IGFL2: variants seen among roughly 807,000 people sequenced by gnomAD.
The protein encoded by IGFL2 is insulin growth factor-like family member 2.
IGFL2 carries 7 observed loss-of-function variants against 13.9 expected under a neutral mutation model. The ratio of observed to expected loss-of-function variants is 0.51; its 90% CI spans 0.29 to 0.95. IGFL2 has a LOEUF of 0.95. Ranked by LOEUF, IGFL2 falls within the 40% of genes least tolerant of loss-of-function variation. The pLI, the probability that IGFL2 is intolerant of heterozygous loss-of-function variation, is 0.08. For synonymous variants in IGFL2, 55 were observed against 55.8 expected (o/e 0.99, Z 0.07); for missense variants, 138 against 147.8 (o/e 0.93, Z 0.34).
At chr19:46,162,937 T>C (rs1167370085), downstream of IGFL2, among the ~76,000 whole-genome samples, 1 of 152,224 alleles carries the variant, frequency 6.6e-6, no homozygotes, top group Non-Finnish European at 1.5e-5. Context: ...AGTGTTTCTT[T>C]AACCACAGTG....
chr19:46,115,178 G>A, the IGFL2 span, among the ~76,000 whole-genome samples: 19 of 152,214 alleles, frequency 1.2e-4, no homozygotes, highest in African/African-American at 3.9e-4. Context: ...ATCCCCACTT[G>A]TGTGTTTCAA....
At chr19:46,202,705 G>A in the IGFL2 span, 2 of 152,224 alleles carry the variant, frequency 1.3e-5, no homozygotes, top group East Asian at 1.9e-4. Context: ...AGAATTTTGA[G>A]TTCATGGACA....
At chr19:46,113,183 C>G in the IGFL2 span, 2 of 170,280 alleles carry the variant, frequency 1.2e-5, no homozygotes, top group Admixed American at 6.4e-5. Flanking sequence ...TAGAATGATT[C>G]TACAGAGGCA....
In IGFL2 at chr19:46,151,179, C is replaced by T. The variant is rs117420292; in HGVS notation, c.19+2882C>T. ...GTGAGATGGTGTGGTATTTGTCTTT[C>T]TGTGGGTTGCTTATTTTACATTTCT... On this transcript the variant is annotated intron_variant, in intron 1 of 3. Transcript: ENST00000377693. Among the ~76,000 whole-genome samples, 43 of 152,252 alleles carry T rather than the reference C, an allele frequency of 2.8e-4. No homozygotes were observed. In the East Asian group the frequency reaches 8.1e-3, roughly 29 times the overall value.
downstream of IGFL2, among the ~76,000 whole-genome samples, chr19:46,166,240 G>T (rs1268995210): frequency 2.0e-5 from 3 of 152,182 alleles, no homozygotes; most frequent in Non-Finnish European, 4.4e-5. Context: ...GAGAAATAAA[G>T]GGACAGAGTA....
the IGFL2 span, among the ~76,000 whole-genome samples, chr19:46,194,216 C>T: frequency 1.3e-5 from 2 of 152,068 alleles, no homozygotes; most frequent in African/African-American, 4.8e-5. Flanking sequence ...AGGGGGACCA[C>T]CAGAATGCCC....
At chr19:46,089,246 CAAAA>C in the IGFL2 span, among the ~76,000 whole-genome samples, 34 of 152,060 alleles carry the variant, frequency 2.2e-4, no homozygotes, top group Non-Finnish European at 3.8e-4. Flanking sequence ...ACTTTGATAA[CAAAA>C]AAGCCCACCT....
chr19:46,131,240 G>GCC, the IGFL2 span, among the ~76,000 whole-genome samples: 2 of 152,072 alleles, frequency 1.3e-5, no homozygotes, highest in Non-Finnish European at 2.9e-5. Flanking sequence ...TCTGTTGATG[G>GCC]ACTCTGTTCA....
At position 46,160,480 on chromosome 19, in the gene IGFL2, G is replaced by T. The variant is rs775434788; in HGVS notation, c.73+12G>T. On this transcript the variant is annotated intron_variant, in intron 2 of 3. Transcript: ENST00000377693. ...AAGGGAAGTCATCGGTGAGTACAAG[G>T]ATGGGCAAGAGTGAAGAGGAAGGAG... The T allele has an allele frequency of 2.2e-5, 36 of 1,613,766 alleles. No individual in the cohort carries two copies. Among genetic ancestry groups the T allele is most frequent in the Non-Finnish European group, 3.1e-5 (36 of 1,179,684 alleles).
At chr19:46,101,552 G>A in the IGFL2 span, among the ~76,000 whole-genome samples, 11 of 152,242 alleles carry the variant, frequency 7.2e-5, no homozygotes, top group African/African-American at 2.7e-4. Context: ...CTGGGTCCAA[G>A]ACATCCAATC....
At chr19:46,090,843 A>T in the IGFL2 span, among the ~76,000 whole-genome samples, 1 of 152,120 alleles carries the variant, frequency 6.6e-6, no homozygotes, top group Non-Finnish European at 1.5e-5. Flanking sequence ...ATAGGTACTG[A>T]TATGGGTTGA....
chr19:46,175,597 G>A, the IGFL2 span, among the ~76,000 whole-genome samples: 1 of 152,038 alleles, frequency 6.6e-6, no homozygotes, highest in African/African-American at 2.4e-5. Flanking sequence ...GAGTGCAATG[G>A]CATGATCTCT....
chr19:46,124,444 G>T, the IGFL2 span: 2 of 1,208,556 alleles, frequency 1.7e-6, no homozygotes, highest in African/African-American at 1.5e-5. Context: ...TTGGGGCTAA[G>T]TCTGTATGGG....
chr19:46,195,948 C>G, the IGFL2 span: 1 of 152,424 alleles, frequency 6.6e-6, no homozygotes, highest in Non-Finnish European at 1.5e-5. Context: ...TGAGGACGAC[C>G]CCAGGAGTGT....
At chr19:46,154,989 C>T (rs1478783583) in intron 1 of IGFL2, among the ~76,000 whole-genome samples, 1 of 152,098 alleles carries the variant, frequency 6.6e-6, no homozygotes, top group Non-Finnish European at 1.5e-5. Context: ...CAGCTAGCTT[C>T]TCCTGCAGCG....
intron 1 of IGFL2, among the ~76,000 whole-genome samples, chr19:46,152,642 T>C (rs1973567015): frequency 1.3e-5 from 2 of 152,236 alleles, no homozygotes; most frequent in African/African-American, 4.8e-5. Flanking sequence ...TTTTACTTTA[T>C]CTTTCTCAGT....
chr19:46,137,239 C>T, the IGFL2 span: 1 of 1,453,222 alleles, frequency 6.9e-7, no homozygotes, highest in South Asian at 1.1e-5. Flanking sequence ...TAATTGTGAA[C>T]TGATTTGGAT....
chr19:46,101,681 G>A, the IGFL2 span, among the ~76,000 whole-genome samples: 1 of 152,256 alleles, frequency 6.6e-6, no homozygotes. Context: ...GACGTCGTAA[G>A]CAGCAGGCAG....
At chr19:46,127,672 A>G in the IGFL2 span, among the ~76,000 whole-genome samples, 2 of 152,126 alleles carry the variant, frequency 1.3e-5, no homozygotes, top group Non-Finnish European at 2.9e-5. Context: ...TAGATGATGG[A>G]TGGATGGGTG....
Sources: gnomAD v4.1 joint callset for allele counts (sites outside exome capture counted in the v4.1 genomes callset) on GRCh38, gnomAD v4.1.1 for gene constraint, MANE v1.5 for transcripts, NCBI Gene and HGNC (gene_info 2026-07-23, HGNC 2026-07-21) for gene names.